The following RARRES1 variants were observed in gnomAD, a reference collection of about 807,000 sequenced individuals.
The protein encoded by RARRES1 is retinoic acid receptor responder 1.
In RARRES1, 34 loss-of-function variants were observed where a neutral mutation model predicts 30.6. That is an observed-to-expected ratio of 1.11 (90% CI 0.84 to 1.48). The LOEUF (loss-of-function observed/expected upper bound fraction) is 1.48, where lower values mean the gene tolerates loss of function less well. Ranked by LOEUF, RARRES1 falls within the 40% of genes most tolerant of loss-of-function variation. The pLI is 0.00. For synonymous variants in RARRES1, 153 were observed against 155.5 expected (o/e 0.98, Z 0.12); for missense variants, 373 against 386.5 (o/e 0.97, Z 0.29).
Position 158,697,917 on chromosome 3 carries a change from T to C in RARRES1, c.726A>G (p.Leu242=), listed in dbSNP as rs1010113178. ...DFDYTVLLHE[L]STQEIIPCRI... The stretch of plus-strand genomic sequence containing the variant: ...CAATGTTATGTTTTACCTGTGTTGA[T>C]AATTCATGAAGTAGAACAGTATAAT... The change falls in exon 5 of 6, where the codon TTA becomes TTG. Residue 242 remains leucine (L), a synonymous_variant. Transcript: ENST00000237696. 1.9e-6 allele frequency: 3 copies of C among 1,556,762 alleles called. No individual in the cohort carries two copies. The highest frequency in any genetic ancestry group is 2.7e-5 in the African/African-American group (2 of 73,540).
At chr3:158,708,677 T>C (rs1727007345) in intron 3 of RARRES1, among the ~76,000 whole-genome samples, 1 of 152,216 alleles carries the variant, frequency 6.6e-6, no homozygotes. Flanking sequence ...GAGATTTTTT[T>C]TTTTTGAGAC....
chr3:158,706,588 G>A (rs934476403), intron 3 of RARRES1, among the ~76,000 whole-genome samples: 2 of 152,176 alleles, frequency 1.3e-5, no homozygotes, highest in Admixed American at 1.3e-4. Context: ...GGGTGCGGTG[G>A]TCTCAGGGAG....
chr3:158,708,577 A>C (rs1418272631), intron 3 of RARRES1, among the ~76,000 whole-genome samples: 2 of 152,242 alleles, frequency 1.3e-5, no homozygotes, highest in Non-Finnish European at 2.9e-5. Context: ...GAGCAAGGAT[A>C]TTCCAAAATG....
At chr3:158,711,829 C>G (rs559493151) in intron 2 of RARRES1, among the ~76,000 whole-genome samples, 3 of 152,174 alleles carry the variant, frequency 2.0e-5, no homozygotes, top group Non-Finnish European at 4.4e-5. Flanking sequence ...CTCCTGACCT[C>G]GTGATCTGCC....
intron 2 of RARRES1, among the ~76,000 whole-genome samples, chr3:158,712,470 A>C (rs944047604): frequency 3.3e-5 from 5 of 152,218 alleles, no homozygotes; most frequent in African/African-American, 1.2e-4. Context: ...CAAAAAACTG[A>C]GAAACACTTT....
At position 158,731,425 on chromosome 3, in the gene RARRES1, G is replaced by A. The variant is rs539250748; in HGVS notation, c.276+715C>T. ...TAATCTATAGGATGAAGAACGCAAAGTAGCTTCACACATACGAGACAATTC... is the reference window on the plus strand; with the variant it reads ...TAATCTATAGGATGAAGAACGCAAAATAGCTTCACACATACGAGACAATTC... On this transcript the variant is annotated intron_variant, in intron 1 of 5. Coordinates refer to ENST00000237696, the MANE Select transcript of RARRES1 (RefSeq NM_206963.2). Among the ~76,000 whole-genome samples, 465 of 152,326 alleles carry A rather than the reference G, an allele frequency of 3.1e-3. 2 individuals carry two copies. The highest frequency in any genetic ancestry group is 0.011 in the African/African-American group (448 of 41,574).
At chr3:158,702,443 T>G (rs1207769250) in intron 4 of RARRES1, among the ~76,000 whole-genome samples, 1 of 152,188 alleles carries the variant, frequency 6.6e-6, no homozygotes, top group East Asian at 1.9e-4. Flanking sequence ...GAAAGACGGG[T>G]TAGAATGGGA....
chr3:158,723,348 A>C lies in RARRES1; in HGVS notation c.276+8792T>G, dbSNP rs1727575321. 6.6e-6 allele frequency among the ~76,000 whole-genome samples: 1 copy of C among 152,252 alleles called. No individual in the cohort carries two copies. ...GTCATTTTATAAGGTTACTTTTATG[A>C]GTCAGGCTTGGTTGGAGATAAGTAA... On this transcript the variant is annotated intron_variant, in intron 1 of 5. Transcript: ENST00000237696. This position sits in a 1 kb window ranked among gnomAD's most constrained non-coding sequence, Gnocchi z 4.4.
At chr3:158,722,086 CAAAAAAAA>C (rs571829700) in intron 1 of RARRES1, among the ~76,000 whole-genome samples, 14 of 68,748 alleles carry the variant, frequency 2.0e-4, no homozygotes, top group African/African-American at 6.6e-4. Flanking sequence ...GAATGAAACT[CAAAAAAAA>C]AAAAAAAAAA....
intron 1 of RARRES1, among the ~76,000 whole-genome samples, chr3:158,719,136 A>G (rs1236028032): frequency 6.6e-6 from 1 of 152,214 alleles, no homozygotes; most frequent in African/African-American, 2.4e-5. Flanking sequence ...ATATGACTGT[A>G]TAACCTGAAG....
In RARRES1 at chr3:158,698,055, T is replaced by G. The variant is rs920638457; in HGVS notation, c.673-85A>C. ...ACAATACATTCTTGTTTTGAATGGG[T>G]GCCTTGTGTCTCCTACTGCCTTTTC... On this transcript the variant is annotated intron_variant, in intron 4 of 5. Coordinates refer to ENST00000237696, the MANE Select transcript of RARRES1 (RefSeq NM_206963.2). 3.1e-6 allele frequency: 3 copies of G among 978,668 alleles called. No homozygotes were observed. The African/African-American group carries it at 5.0e-5, about 16-fold the overall frequency. The allele number at this position is 978,668 out of a possible 1,614,324, so 60.6% of individuals were successfully genotyped here.
chr3:158,713,016 G>T (rs1156658305), intron 2 of RARRES1, among the ~76,000 whole-genome samples: 1 of 152,306 alleles, frequency 6.6e-6, no homozygotes, highest in East Asian at 1.9e-4. Flanking sequence ...GTTGGAACTT[G>T]AGTACTGGTG....
At position 158,730,365 on chromosome 3, in the gene RARRES1, CTCCTTCCTTCCTTCCT is replaced by C. The variant is rs61461024; in HGVS notation, c.276+1759_276+1774del. On this transcript the variant is annotated intron_variant, in intron 1 of 5. Transcript: ENST00000237696. ...AAAGACAGGTGACAAGAATAGGTTG[CTCCTTCCTTCCTTCCT>C]TCCTTCCTTCCTTCCTTCCTTCCTT... is the stretch of plus-strand genomic sequence containing the variant. Among the ~76,000 whole-genome samples, 286 of 120,256 alleles carry C rather than the reference CTCCTTCCTTCCTTCCT, an allele frequency of 2.4e-3. 3 individuals carry two copies. Among genetic ancestry groups the C allele is most frequent in the African/African-American group, 3.8e-3 (121 of 32,254 alleles). The allele number at this position is 120,256 out of a possible 152,430, so 78.9% of individuals were successfully genotyped here.
At chr3:158,701,973 G>GA (rs758860002) in intron 4 of RARRES1, among the ~76,000 whole-genome samples, 6 of 150,956 alleles carry the variant, frequency 4.0e-5, no homozygotes, top group East Asian at 3.9e-4. Flanking sequence ...ATCGCAGGGG[G>GA]AAAAAAAAAT....
chr3:158,720,925 G>A (rs1177184248), intron 1 of RARRES1, among the ~76,000 whole-genome samples: 1 of 152,156 alleles, frequency 6.6e-6, no homozygotes, highest in African/African-American at 2.4e-5. Flanking sequence ...CACATTCTTA[G>A]TCACTGAGGG....
At chr3:158,698,546 C>T (rs1044093827) in intron 4 of RARRES1, among the ~76,000 whole-genome samples, 9 of 152,222 alleles carry the variant, frequency 5.9e-5, no homozygotes, top group African/African-American at 2.2e-4. Context: ...AAGCTATACA[C>T]GCTGTTTCTA....
intron 3 of RARRES1, chr3:158,705,576 G>A (rs73156497): frequency 0.01 from 1,596 of 152,386 alleles, 14 homozygotes; most frequent in Non-Finnish European, 0.015. Context: ...AAAGTGCTGA[G>A]ATTACAGGTG....
intron 3 of RARRES1, among the ~76,000 whole-genome samples, chr3:158,710,082 T>C (rs1173923659): frequency 6.6e-6 from 1 of 152,194 alleles, no homozygotes; most frequent in Non-Finnish European, 1.5e-5. Flanking sequence ...AGATGTCACC[T>C]CAGCTCCTGG....
At chr3:158,699,444 C>G (rs987359464) in intron 4 of RARRES1, among the ~76,000 whole-genome samples, 8 of 150,268 alleles carry the variant, frequency 5.3e-5, no homozygotes, top group Non-Finnish European at 8.9e-5. Flanking sequence ...ACCCCCCCCC[C>G]ACCAAAAAAG....
Sources: gnomAD v4.1 joint callset for allele counts (sites outside exome capture counted in the v4.1 genomes callset) on GRCh38, gnomAD v4.1.1 for gene constraint, Gnocchi (gnomAD v3.1) non-coding constraint, MANE v1.5 for transcripts, NCBI Gene and HGNC (gene_info 2026-07-23, HGNC 2026-07-21) for gene names.